The following NRG2 variants were observed in gnomAD, a reference collection of about 807,000 sequenced individuals.
The protein encoded by NRG2 is pro-neuregulin-2, membrane-bound isoform.
A neutral mutation model predicts 73.9 loss-of-function variants in NRG2; 27 were observed. The ratio of observed to expected loss-of-function variants is 0.37; its 90% CI spans 0.27 to 0.50. The LOEUF is 0.50. Ranked by LOEUF, NRG2 falls within the 20% of genes least tolerant of loss-of-function variation. The pLI, the probability that NRG2 is intolerant of heterozygous loss-of-function variation, is 0.96. For synonymous variants in NRG2, 532 were observed against 541.0 expected, an observed-to-expected ratio of 0.98 and a Z score of 0.23; for missense variants, 1,126 against 1,210.1, an observed-to-expected ratio of 0.93 and a Z score of 1.03.
At chr5:139,859,947 G>T in intron 5 of NRG2, 2 of 1,610,502 alleles carry the variant, frequency 1.2e-6, no homozygotes, top group East Asian at 2.2e-5. Flanking sequence ...CACAAAGGGA[G>T]GGGTGGAGGG....
chr5:139,912,375 C>T (rs556581225), intron 1 of NRG2, among the ~76,000 whole-genome samples: 1 of 152,270 alleles, frequency 6.6e-6, no homozygotes, highest in East Asian at 1.9e-4. Context: ...CCTGCCCACC[C>T]CAGGCTTGGC....
In NRG2 at chr5:139,870,244, G is replaced by A. The variant is rs1046710147; in HGVS notation, c.1112+1477C>T. 6.6e-6 allele frequency among the ~76,000 whole-genome samples: 1 copy of A among 152,128 alleles called. No homozygotes were observed. The stretch of plus-strand genomic sequence containing the variant: ...TGGCAGCCTCCTAGAGGCAGGAGGC[G>A]GGGAAGGATGAGGGGCTGAGTTTGG... On this transcript the variant is annotated intron_variant, in intron 4 of 9. Coordinates refer to ENST00000361474, the MANE Select transcript of NRG2 (RefSeq NM_004883.3). The surrounding 1 kb of genome is among the most constrained non-coding windows in gnomAD (Gnocchi z 4.4).
chr5:139,862,986 G>GTGC (rs1157739146), intron 5 of NRG2, among the ~76,000 whole-genome samples: 1 of 152,192 alleles, frequency 6.6e-6, no homozygotes, highest in Non-Finnish European at 1.5e-5. Context: ...TGCTCAGGAT[G>GTGC]TGCTGGGAGT....
intron 1 of NRG2, among the ~76,000 whole-genome samples, chr5:140,013,693 G>A (rs2126649742): frequency 6.6e-6 from 1 of 152,158 alleles, no homozygotes; most frequent in East Asian, 1.9e-4. Flanking sequence ...CTTACATGAA[G>A]CTTTAACCCC....
Position 139,848,243 on chromosome 5 carries a change from A to G in NRG2, c.2227T>C (p.Trp743Arg), listed in dbSNP as rs1267119664. The change falls in exon 10 of 10, where the codon TGG becomes CGG. Residue 743 changes from tryptophan (W) to arginine (R), a missense_variant. This residue lies in a region of NRG2 where 402 missense variants were observed against 357.8 expected (regional missense o/e 1.12). Transcript: ENST00000361474. ...SRRTSAGPRR[W>R]RRSRLNGLAA... ...AGCCCGTTGAGGCGCGAGCGGCGCC[A>G]GCGCCGGGGCCCCGCCGACGTCCTG... 6.1e-6 allele frequency: 7 copies of G among 1,138,228 alleles called. No individual in the cohort carries two copies. In the Admixed American group the frequency reaches 3.4e-4, roughly 56 times the overall value. The allele number at this position is 1,138,228 out of a possible 1,614,324, so 70.5% of individuals were successfully genotyped here. A position where few individuals can be genotyped will look rare whatever the true frequency, so the allele number is the denominator to read the frequency against.
chr5:139,871,760 A>G lies in NRG2; in HGVS notation c.1073T>C (p.Val358Ala). ...TAKSYCVNGG[V>A]CYYIEGINQL... ...GTTGATGCCCTCGATGTAGTAGCAG[A>G]CGCCTCCATTGACGCAATAGGACTT... The change falls in exon 4 of 10, where the codon GTC (valine) becomes GCC (alanine). Residue 358 changes from valine (V) to alanine (A), a missense_variant. Physicochemically the swap from Val to Ala is moderately conservative, Grantham distance 64. Around this residue, in one of 3 missense-constraint regions of NRG2, gnomAD observed 539 missense variants for 703.2 expected, o/e 0.77. Transcript: ENST00000361474. 1 of 1,614,074 alleles carries G rather than the reference A, an allele frequency of 6.2e-7. No individual in the cohort carries two copies. Among genetic ancestry groups the G allele is most frequent in the South Asian group, 1.1e-5 (1 of 91,064 alleles).
intron 1 of NRG2, among the ~76,000 whole-genome samples, chr5:139,969,906 C>T (rs1352605773): frequency 6.6e-6 from 1 of 152,186 alleles, no homozygotes; most frequent in Non-Finnish European, 1.5e-5. Flanking sequence ...ATGGAGTGTG[C>T]TATCATCGCC....
chr5:140,029,433 C>T (rs1157185165), intron 1 of NRG2, among the ~76,000 whole-genome samples: 2 of 152,112 alleles, frequency 1.3e-5, no homozygotes, highest in Non-Finnish European at 2.9e-5. Flanking sequence ...AGTAACTCAC[C>T]AAATGTTCAT....
chr5:139,965,560 A>G (rs543113730), intron 1 of NRG2, among the ~76,000 whole-genome samples: 26 of 152,364 alleles, frequency 1.7e-4, no homozygotes, highest in African/African-American at 6.0e-4. Flanking sequence ...GCTCCAATGT[A>G]TAACAGGGCC....
chr5:139,973,826 C>T (rs1026067416), intron 1 of NRG2, among the ~76,000 whole-genome samples: 8 of 152,072 alleles, frequency 5.3e-5, no homozygotes, highest in African/African-American at 1.9e-4. Context: ...CCTCACAACG[C>T]GGCCTCACAT....
intron 1 of NRG2, among the ~76,000 whole-genome samples, chr5:139,918,968 A>C (rs149214459): frequency 7.5e-4 from 114 of 152,348 alleles, no homozygotes; most frequent in Non-Finnish European, 1.4e-3. Flanking sequence ...GAATTTTCTT[A>C]GAAGAATAGG....
At chr5:139,930,157 G>A (rs1362622478) in intron 1 of NRG2, among the ~76,000 whole-genome samples, 2 of 152,190 alleles carry the variant, frequency 1.3e-5, no homozygotes, top group Non-Finnish European at 2.9e-5. Context: ...TGAGGACCAG[G>A]TTTATTGTCT....
At chr5:140,034,385 A>G (rs922952716) in intron 1 of NRG2, among the ~76,000 whole-genome samples, 1 of 152,052 alleles carries the variant, frequency 6.6e-6, no homozygotes, top group African/African-American at 2.4e-5. Flanking sequence ...AGCTAAAATC[A>G]TACTTAATCA....
intron 1 of NRG2, among the ~76,000 whole-genome samples, chr5:139,998,184 T>C (rs1262093296): frequency 1.3e-5 from 2 of 152,120 alleles, no homozygotes; most frequent in Non-Finnish European, 2.9e-5. Context: ...CTGTTACCAG[T>C]GAAAAATGAC....
At chr5:139,972,511 G>A (rs1756045949) in intron 1 of NRG2, among the ~76,000 whole-genome samples, 1 of 152,204 alleles carries the variant, frequency 6.6e-6, no homozygotes, top group East Asian at 1.9e-4. Context: ...GATCACTTGA[G>A]GTCAGGAGTC....
chr5:139,919,114 G>C (rs116756103), intron 1 of NRG2, among the ~76,000 whole-genome samples: 2,948 of 152,216 alleles, frequency 0.019, 94 homozygotes, highest in African/African-American at 0.067. Context: ...GCCAGGCCAG[G>C]TTTCTGCAAT....
At chr5:139,862,078 A>T (rs1311599344) in intron 5 of NRG2, among the ~76,000 whole-genome samples, 2 of 152,220 alleles carry the variant, frequency 1.3e-5, no homozygotes, top group African/African-American at 2.4e-5. Flanking sequence ...GTGCTAAGCC[A>T]TGGCTTTCCT....
intron 1 of NRG2, among the ~76,000 whole-genome samples, chr5:139,993,871 T>C (rs990127999): frequency 1.3e-5 from 2 of 152,246 alleles, no homozygotes; most frequent in Admixed American, 6.5e-5. Flanking sequence ...TGAATCCATA[T>C]AGTCAAATAT....
intron 9 of NRG2, 68 bp from the exon 10 acceptor site, chr5:139,848,765 G>C: frequency 5.7e-5 from 37 of 652,262 alleles, no homozygotes; most frequent in East Asian, 1.3e-4. Context: ...GGGGTTGGGG[G>C]TGGGGTAGGG....
Sources: gnomAD v4.1 joint callset for allele counts (sites outside exome capture counted in the v4.1 genomes callset) on GRCh38, gnomAD v4.1.1 for gene constraint, gnomAD v4.1.1 regional missense constraint, Gnocchi (gnomAD v3.1) non-coding constraint, MANE v1.5 for transcripts, NCBI Gene and HGNC (gene_info 2026-07-23, HGNC 2026-07-21) for gene names.